Variants in SLC28A1 observed in about 807,000 individuals in gnomAD.
SLC28A1 encodes the protein sodium/nucleoside cotransporter 1.
Under a neutral mutation model 74.8 loss-of-function variants are expected in SLC28A1, and 64 were observed. That is an observed-to-expected ratio of 0.86 (90% CI 0.70 to 1.05). The LOEUF (loss-of-function observed/expected upper bound fraction) is 1.05, where lower values mean the gene tolerates loss of function less well. Ranked by LOEUF, SLC28A1 falls within the 50% of genes least tolerant of loss-of-function variation. The pLI is 0.00. For synonymous variants in SLC28A1, 359 were observed against 335.0 expected (o/e 1.07, Z -0.78); for missense variants, 828 against 822.8 (o/e 1.01, Z -0.08).
At chr15:84,917,580 C>A (rs1054386065) in intron 9 of SLC28A1, among the ~76,000 whole-genome samples, 1 of 151,512 alleles carries the variant, frequency 6.6e-6, no homozygotes. Context: ...GGCTACCCCC[C>A]ACCCCCTTCT....
Position 84,904,093 on chromosome 15 carries a change from G to T in SLC28A1, c.462-4G>T. The T allele has an allele frequency of 6.2e-7, 1 of 1,614,206 alleles. No homozygotes were observed. The highest frequency in any genetic ancestry group is 1.1e-5 in the South Asian group (1 of 91,086). On this transcript the variant is annotated splice_polypyrimidine_tract_variant and splice_region_variant and intron_variant, in intron 6 of 18. Transcript: ENST00000394573. ...GGTAATGGCTTTCTGTCTCTTGCCT[G>T]CAGGGGTCTAGCTCTTGCTGCTTTC...
chr15:84,901,864 A>T (rs1361956036), intron 6 of SLC28A1, among the ~76,000 whole-genome samples: 2 of 152,246 alleles, frequency 1.3e-5, no homozygotes, highest in Non-Finnish European at 2.9e-5. Flanking sequence ...ACCCAAGAGA[A>T]ATAAAAGCAT....
At chr15:84,943,390 G>A (rs957490231) in intron 15 of SLC28A1, 55 bp from the exon 16 acceptor site, 4 of 1,287,926 alleles carry the variant, frequency 3.1e-6, no homozygotes, top group African/African-American at 2.9e-5. Context: ...TGTTATAGGG[G>A]TGCCCCAGGC....
chr15:84,904,787 G>A (rs1039016257), intron 7 of SLC28A1, among the ~76,000 whole-genome samples: 3 of 79,566 alleles, frequency 3.8e-5, no homozygotes, highest in African/African-American at 1.1e-4. Flanking sequence ...ACTAAATTCT[G>A]ATGTGTACTA....
rs114353126 is a variant in SLC28A1, at chr15:84,933,863, A to T, written c.1214+588A>T. Among the ~76,000 whole-genome samples, 1,476 of 152,270 alleles carry T rather than the reference A, an allele frequency of 9.7e-3. 23 individuals carry two copies. Among genetic ancestry groups the T allele is most frequent in the African/African-American group, 0.034 (1,400 of 41,554 alleles). On this transcript the variant is annotated intron_variant, in intron 13 of 18. Coordinates refer to ENST00000394573, the MANE Select transcript of SLC28A1 (RefSeq NM_004213.5). ...AAAGGCTCACGCCTGTAATTCCAGC[A>T]ACTTAGGGGGCTGAGGCACGAGAAT... is the stretch of plus-strand genomic sequence containing the variant.
the SLC28A1 span, among the ~76,000 whole-genome samples, chr15:84,968,601 G>T: frequency 2.0e-5 from 3 of 152,166 alleles, no homozygotes; most frequent in Admixed American, 6.5e-5. Flanking sequence ...GTCTCCTATT[G>T]GTTACATGAG....
At chr15:84,886,613 A>C in intron 1 of SLC28A1, 59 bp from the exon 2 acceptor site, 2 of 985,406 alleles carry the variant, frequency 2.0e-6, no homozygotes, top group Non-Finnish European at 1.2e-6. Context: ...GCCTCTGGGG[A>C]GGCGCTGGGC....
chr15:84,918,534 T>G lies in SLC28A1; in HGVS notation c.806T>G (p.Ile269Ser). The G allele has an allele frequency of 6.2e-7, 1 of 1,613,500 alleles. No homozygotes were observed. Among genetic ancestry groups the G allele is most frequent in the Non-Finnish European group, 8.5e-7 (1 of 1,179,502 alleles). The change falls in exon 10 of 19, where the codon ATC (isoleucine) becomes AGC (serine). Residue 269 changes from isoleucine (I) to serine (S), a missense_variant. Ile to Ser is a moderately radical substitution (Grantham distance 142, BLOSUM62 -2). Coordinates refer to ENST00000394573, the MANE Select transcript of SLC28A1 (RefSeq NM_004213.5). ...KDVFAFQVLPIIVFFSCVISV... is the reference protein window; with the variant it reads ...KDVFAFQVLPSIVFFSCVISV... ...TCTCCTTCCCGGCAGGTTCTGCCCA[T>G]CATTGTCTTTTTCAGCTGTGTCATA...
At chr15:84,963,808 A>G in the SLC28A1 span, among the ~76,000 whole-genome samples, 3,577 of 152,280 alleles carry the variant, frequency 0.023, 149 homozygotes, top group African/African-American at 0.082. Flanking sequence ...GAGGATGCTT[A>G]GATCCAGCCC....
chr15:84,959,397 G>A, the SLC28A1 span, among the ~76,000 whole-genome samples: 1 of 152,006 alleles, frequency 6.6e-6, no homozygotes, highest in Non-Finnish European at 1.5e-5. Flanking sequence ...GAGCCACCAT[G>A]ACCAGTCAGG....
intron 12 of SLC28A1, among the ~76,000 whole-genome samples, chr15:84,928,519 GTTCGTTCGTTCTTTCTTTCT>G (rs1970765436): frequency 7.0e-5 from 3 of 42,940 alleles, no homozygotes; most frequent in Admixed American, 3.0e-4. Context: ...AAGCTCCCAG[GTTCGTTCGTTCTTTCTTTCT>G]TTCTTTCTTT....
At chr15:84,942,639 C>T (rs1234031084) in intron 15 of SLC28A1, among the ~76,000 whole-genome samples, 2 of 152,198 alleles carry the variant, frequency 1.3e-5, no homozygotes, top group East Asian at 3.8e-4. Context: ...ACTTCTCAAG[C>T]TGATCATTGG....
intron 1 of SLC28A1, chr15:84,886,266 T>C (rs1964589479): frequency 3.0e-6 from 3 of 985,420 alleles, no homozygotes; most frequent in Non-Finnish European, 3.6e-6. Flanking sequence ...GAAAATTGGT[T>C]GCTGTTATAA....
At chr15:84,936,740 A>G (rs16974632) in intron 15 of SLC28A1, among the ~76,000 whole-genome samples, 18,472 of 152,148 alleles carry the variant, frequency 0.12, 1,296 homozygotes, top group African/African-American at 0.2. Flanking sequence ...TGTTTCTTAC[A>G]TTTTCTTCCA....
chr15:84,942,807 C>T (rs1432044348), intron 15 of SLC28A1, among the ~76,000 whole-genome samples: 8 of 152,124 alleles, frequency 5.3e-5, no homozygotes. Context: ...CCAAATGGCC[C>T]CAGGACAGAG....
chr15:84,957,697 C>A, the SLC28A1 span, among the ~76,000 whole-genome samples: 1 of 152,196 alleles, frequency 6.6e-6, no homozygotes, highest in South Asian at 2.1e-4. Flanking sequence ...ATGCCACTAC[C>A]ACACTATTTT....
Position 84,887,728 on chromosome 15 carries a change from C to G in SLC28A1, c.-16-17C>G, listed in dbSNP as rs372317526. ...GCCTCCCTTTCAGCGTTGGGCGCTC[C>G]CTGATTTGTCTTTCAGCTGGAAGGT... On this transcript the variant is annotated splice_polypyrimidine_tract_variant and intron_variant, in intron 2 of 18. Transcript: ENST00000394573. The G allele has an allele frequency of 2.5e-5, 41 of 1,609,648 alleles. No homozygotes were observed. Among genetic ancestry groups the G allele is most frequent in the Non-Finnish European group, 3.3e-5 (39 of 1,176,078 alleles).
At chr15:84,949,277 T>C (rs1481980601), downstream of SLC28A1, among the ~76,000 whole-genome samples, 1 of 152,218 alleles carries the variant, frequency 6.6e-6, no homozygotes, top group Non-Finnish European at 1.5e-5. Flanking sequence ...CACAGCATGG[T>C]AAATATGATC....
the SLC28A1 span, among the ~76,000 whole-genome samples, chr15:84,975,332 A>C: frequency 5.9e-5 from 9 of 152,370 alleles, no homozygotes; most frequent in Non-Finnish European, 1.3e-4. Context: ...TGTCACCTGC[A>C]ACTAATGATG....
Sources: allele counts gnomAD v4.1 joint callset (sites outside exome capture counted in the v4.1 genomes callset), GRCh38; gene constraint gnomAD v4.1.1; transcripts MANE v1.5; gene names NCBI Gene and HGNC (gene_info 2026-07-23, HGNC 2026-07-21).